The following OOSP3 variants were observed in gnomAD, a reference collection of about 807,000 sequenced individuals.
The protein encoded by OOSP3 is oocyte secreted protein family member 3.
intron 2 of OOSP3, among the ~76,000 whole-genome samples, chr11:59,886,515 T>A (rs1348786941): frequency 6.6e-6 from 1 of 151,528 alleles, no homozygotes; most frequent in African/African-American, 2.5e-5. Context: ...GTATTTCCAG[T>A]TGTAAATCTT....
At chr11:59,896,151 T>C (rs1345082600) in exon 5 of OOSP3, 1 of 398,350 alleles carries the variant, frequency 2.5e-6, no homozygotes, top group Non-Finnish European at 4.4e-6. Flanking sequence ...ATCTCATCAG[T>C]CACTTCTACT....
At chr11:59,880,938 G>C (rs1853195049) in intron 2 of OOSP3, among the ~76,000 whole-genome samples, 1 of 152,184 alleles carries the variant, frequency 6.6e-6, no homozygotes, top group African/African-American at 2.4e-5. Context: ...CATCTGAGGA[G>C]GTTTGAGGTG....
At chr11:59,880,236 G>C (rs515178) in intron 1 of OOSP3, 25 bp from the exon 2 acceptor site, 140,756 of 397,968 alleles carry the variant, frequency 0.35, 26,836 homozygotes, top group African/African-American at 0.59. Flanking sequence ...CTATCTAAAT[G>C]TTTAAAAAAA....
chr11:59,878,979 G>C (rs1328483178), intron 1 of OOSP3, 98 bp downstream of exon 1: 1 of 397,204 alleles, frequency 2.5e-6, no homozygotes, highest in Admixed American at 4.4e-5. Context: ...TGACTTTCCA[G>C]TATAGTTTTC....
intron 2 of OOSP3, among the ~76,000 whole-genome samples, chr11:59,887,647 T>C (rs1334574516): frequency 6.6e-6 from 1 of 152,216 alleles, no homozygotes; most frequent in African/African-American, 2.4e-5. Flanking sequence ...TTTTGTTTTA[T>C]TGGTTTATAT....
intron 2 of OOSP3, among the ~76,000 whole-genome samples, chr11:59,891,896 G>C (rs1853315819): frequency 6.6e-6 from 1 of 152,230 alleles, no homozygotes; most frequent in South Asian, 2.1e-4. Flanking sequence ...GCAGGCTGCT[G>C]TGCTGGCCAG....
At chr11:59,893,866 C>T (rs1013170764) in intron 2 of OOSP3, among the ~76,000 whole-genome samples, 30 of 152,166 alleles carry the variant, frequency 2.0e-4, no homozygotes, top group Admixed American at 1.0e-3. Flanking sequence ...TATTTCCACA[C>T]ATATTAACTG....
intron 4 of OOSP3, 37 bp downstream of exon 4, chr11:59,895,689 C>G: frequency 2.5e-6 from 1 of 398,218 alleles, no homozygotes; most frequent in Non-Finnish European, 4.4e-6. Context: ...ATGGCAGTGT[C>G]CATGTAGAAA....
exon 2 of OOSP3, chr11:59,880,360 C>T (rs897410784): frequency 2.0e-5 from 8 of 398,420 alleles, no homozygotes; most frequent in Non-Finnish European, 3.1e-5. Context: ...TCTCTGGGAA[C>T]TGGCTGTCCT....
chr11:59,890,104 C>CT (rs1853297650), intron 2 of OOSP3, among the ~76,000 whole-genome samples: 2 of 152,136 alleles, frequency 1.3e-5, no homozygotes, highest in African/African-American at 4.8e-5. Context: ...GCAACTCCTG[C>CT]TTTTTTCTGC....
chr11:59,881,123 G>A lies in OOSP3; in HGVS notation c.252+684G>A, dbSNP rs537407345. 1.2e-4 allele frequency among the ~76,000 whole-genome samples: 19 copies of A among 152,244 alleles called. 1 individual carries two copies. The South Asian group carries it at 3.9e-3, about 32-fold the overall frequency. Reference sequence around the variant, plus strand: ...ACCCTATAATCCCAGCAGTTTGGGAGGCCAAGGCGGACACGTCATGAGGTC... The same window carrying A: ...ACCCTATAATCCCAGCAGTTTGGGAAGCCAAGGCGGACACGTCATGAGGTC... On this transcript the variant is annotated intron_variant, in intron 2 of 4. Coordinates refer to ENST00000646438, the Ensembl canonical transcript of OOSP3.
chr11:59,883,692 G>A (rs1405571110), intron 2 of OOSP3, among the ~76,000 whole-genome samples: 1 of 152,180 alleles, frequency 6.6e-6, no homozygotes, highest in East Asian at 1.9e-4. Flanking sequence ...GTTAAATGAT[G>A]GGTTAGCTTC....
chr11:59,882,520 C>T (rs1565218566), intron 2 of OOSP3, among the ~76,000 whole-genome samples: 1 of 152,060 alleles, frequency 6.6e-6, no homozygotes, highest in Non-Finnish European at 1.5e-5. Flanking sequence ...TTGGTGGCTT[C>T]ATTTCTTTCT....
chr11:59,891,549 G>C (rs1297855481), intron 2 of OOSP3, among the ~76,000 whole-genome samples: 1 of 152,150 alleles, frequency 6.6e-6, no homozygotes, highest in East Asian at 1.9e-4. Context: ...TGCAGTTTCT[G>C]GGGGTTCACT....
chr11:59,885,590 A>G lies in OOSP3; in HGVS notation c.252+5151A>G, dbSNP rs78597930. On this transcript the variant is annotated intron_variant, in intron 2 of 4. Coordinates refer to ENST00000646438, the Ensembl canonical transcript of OOSP3. ...GCAGTATTTGATTTTCTGTTCCTGC[A>G]GTAGTTTGTGGAGGATAATGGCTTC... is the stretch of plus-strand genomic sequence containing the variant. Among the ~76,000 whole-genome samples the G allele has an allele frequency of 9.6e-3, 1,461 of 152,230 alleles. 24 individuals carry two copies. The highest frequency in any genetic ancestry group is 0.033 in the African/African-American group (1,356 of 41,554).
At chr11:59,889,980 A>G (rs1303248188) in intron 2 of OOSP3, among the ~76,000 whole-genome samples, 1 of 152,176 alleles carries the variant, frequency 6.6e-6, no homozygotes, top group Non-Finnish European at 1.5e-5. Context: ...GGGTTCATAT[A>G]TATTTAGGAT....
chr11:59,885,930 T>C (rs770221823), intron 2 of OOSP3, among the ~76,000 whole-genome samples: 3 of 152,170 alleles, frequency 2.0e-5, no homozygotes, highest in Non-Finnish European at 2.9e-5. Flanking sequence ...ATGTGCTGGA[T>C]GTGCAGATTT....
intron 2 of OOSP3, among the ~76,000 whole-genome samples, chr11:59,884,664 C>G (rs1289356777): frequency 6.6e-6 from 1 of 152,006 alleles, no homozygotes; most frequent in African/African-American, 2.4e-5. Flanking sequence ...CCGTGTCCAG[C>G]TATTTATTTT....
intron 4 of OOSP3, among the ~76,000 whole-genome samples, chr11:59,895,889 A>C (rs1853352709): frequency 6.6e-6 from 1 of 152,210 alleles, no homozygotes; most frequent in Non-Finnish European, 1.5e-5. Flanking sequence ...AGTTATGACA[A>C]ATAAAAGAAA....
Sources: gnomAD v4.1 joint callset for allele counts (sites outside exome capture counted in the v4.1 genomes callset) on GRCh38, gnomAD v4.1.1 for gene constraint, MANE v1.5 for transcripts, NCBI Gene and HGNC (gene_info 2026-07-23, HGNC 2026-07-21) for gene names.